Variants in SYN3 observed in about 807,000 individuals in gnomAD.
The protein encoded by SYN3 is synapsin-3.
In SYN3, 35 loss-of-function variants were observed where a neutral mutation model predicts 65.8. The ratio of observed to expected loss-of-function variants is 0.53; its 90% confidence interval spans 0.41 to 0.70. SYN3 has a LOEUF of 0.70. Ranked by LOEUF, SYN3 falls within the 30% of genes least tolerant of loss-of-function variation. The pLI is 0.00. For missense variants in SYN3, 680 were observed against 749.0 expected, an observed-to-expected ratio of 0.91 and a Z score of 1.08; for synonymous variants, 270 against 292.9, an observed-to-expected ratio of 0.92 and a Z score of 0.80.
chr22:32,612,556 T>C (rs1265009415), intron 6 of SYN3, among the ~76,000 whole-genome samples: 7 of 152,182 alleles, frequency 4.6e-5, no homozygotes, highest in Non-Finnish European at 8.8e-5. Context: ...AGAGAAATAC[T>C]GGAGGCCACG....
intron 7 of SYN3, among the ~76,000 whole-genome samples, chr22:32,587,487 T>C (rs986382457): frequency 2.0e-5 from 3 of 152,108 alleles, no homozygotes; most frequent in Non-Finnish European, 4.4e-5. Flanking sequence ...AGAGAGACTC[T>C]CCTCTCTGGC....
intron 6 of SYN3, among the ~76,000 whole-genome samples, chr22:32,601,670 C>A (rs1400770474): frequency 6.6e-6 from 1 of 152,156 alleles, no homozygotes; most frequent in Non-Finnish European, 1.5e-5. Flanking sequence ...GCTGGGGACA[C>A]AGAAGAGGTA....
chr22:32,571,635 A>T (rs1433254436), intron 7 of SYN3, among the ~76,000 whole-genome samples: 2 of 152,230 alleles, frequency 1.3e-5, no homozygotes, highest in African/African-American at 4.8e-5. Context: ...TAATTAAAAA[A>T]TAAAACCAAA....
intron 6 of SYN3, among the ~76,000 whole-genome samples, chr22:32,758,408 C>T (rs1400499255): frequency 6.6e-6 from 1 of 151,628 alleles, no homozygotes; most frequent in Non-Finnish European, 1.5e-5. Context: ...ATTTGAGTCA[C>T]TGGGCTGGGG....
At chr22:32,527,760 TAA>T (rs1477988181) in intron 12 of SYN3, 156 bp downstream of exon 12, 2 of 613,208 alleles carry the variant, frequency 3.3e-6, no homozygotes, top group East Asian at 2.9e-5. Context: ...CTTGACTTTT[TAA>T]AGAGTTTGAC....
Position 32,989,882 on chromosome 22 carries a change from CT to C in SYN3, c.312-9181del, listed in dbSNP as rs373550554. Among the ~76,000 whole-genome samples, 727 of 149,944 alleles carry C rather than the reference CT, an allele frequency of 4.8e-3. 2 individuals are homozygous for C. The highest frequency in any genetic ancestry group is 0.01 in the Middle Eastern group (3 of 286). ...CATCAAACACCCACTCCCTCTACCC[CT>C]CTCCTCTCTAAAGACACAGCACTAT... On this transcript the variant is annotated intron_variant, in intron 2 of 13. Coordinates refer to ENST00000358763, the MANE Select transcript of SYN3 (RefSeq NM_003490.4).
intron 6 of SYN3, among the ~76,000 whole-genome samples, chr22:32,626,930 C>A (rs1299223632): frequency 6.6e-6 from 1 of 152,196 alleles, no homozygotes; most frequent in Non-Finnish European, 1.5e-5. Context: ...CCCTGGACAC[C>A]TGGTTGGTTG....
At chr22:32,749,122 G>A (rs1192888784) in intron 6 of SYN3, among the ~76,000 whole-genome samples, 1 of 152,050 alleles carries the variant, frequency 6.6e-6, no homozygotes, top group Non-Finnish European at 1.5e-5. Context: ...CCAATATTAA[G>A]GTGTTGGCAA....
intron 7 of SYN3, among the ~76,000 whole-genome samples, chr22:32,586,108 G>A (rs896679756): frequency 6.7e-6 from 1 of 148,706 alleles, no homozygotes; most frequent in Non-Finnish European, 1.5e-5. Flanking sequence ...ATGTATACAT[G>A]TATATGTATA....
At chr22:32,700,037 G>A (rs1424065844) in intron 6 of SYN3, among the ~76,000 whole-genome samples, 1 of 152,138 alleles carries the variant, frequency 6.6e-6, no homozygotes, top group Non-Finnish European at 1.5e-5. Context: ...CGGAACTCAG[G>A]TTCTCTGCTC....
intron 4 of SYN3, among the ~76,000 whole-genome samples, chr22:32,928,285 G>A (rs755939005): frequency 6.6e-6 from 1 of 151,802 alleles, no homozygotes; most frequent in Non-Finnish European, 1.5e-5. Flanking sequence ...AACCGAGATC[G>A]CACCACTGCA....
chr22:32,832,767 C>T (rs912916581), intron 6 of SYN3, among the ~76,000 whole-genome samples: 4 of 151,926 alleles, frequency 2.6e-5, no homozygotes, highest in African/African-American at 4.8e-5. Context: ...CTCACTCTGT[C>T]GTTCAGCTGG....
At chr22:32,798,517 T>C (rs1249665932) in intron 6 of SYN3, among the ~76,000 whole-genome samples, 2 of 152,084 alleles carry the variant, frequency 1.3e-5, no homozygotes, top group African/African-American at 4.8e-5. Flanking sequence ...AGGGTGGATA[T>C]GAACTCACCT....
At chr22:32,514,733 T>G (rs2057742402) in intron 13 of SYN3, 1 of 152,314 alleles carries the variant, frequency 6.6e-6, no homozygotes, top group Non-Finnish European at 1.5e-5. Context: ...TGCACCACAC[T>G]GTGCTGGGCG....
chr22:32,531,101 C>A (rs377175980), intron 10 of SYN3, among the ~76,000 whole-genome samples: 3 of 141,530 alleles, frequency 2.1e-5, no homozygotes, highest in African/African-American at 5.3e-5. Flanking sequence ...GGAAAACAGG[C>A]CTTTCCTCTT....
At chr22:32,615,422 A>G (rs1033239823) in intron 6 of SYN3, among the ~76,000 whole-genome samples, 3 of 141,558 alleles carry the variant, frequency 2.1e-5, no homozygotes, top group Non-Finnish European at 4.6e-5. Flanking sequence ...CGTCAGAGCA[A>G]GACTTCATCT....
rs538625685 is a variant in SYN3, at chr22:32,897,195, G to A, written c.462-28070C>T. Among the ~76,000 whole-genome samples the A allele has an allele frequency of 9.2e-5, 14 of 152,242 alleles. No homozygotes were observed. In the East Asian group the frequency reaches 1.2e-3, roughly 13 times the overall value. ...TAGAATGTGAGTACCTGGACCCGGC[G>A]CCCATGGGTGTAAGATAAGAGTGCC... On this transcript the variant is annotated intron_variant, in intron 4 of 13. Transcript: ENST00000358763.
Position 32,510,254 on chromosome 22 carries a change from A to G in SYN3, c.*3438T>C, listed in dbSNP as rs1022511001. ...GTTTGCTGGTCTCACATCAAAGTGC[A>G]TTCAAAGTGGGGAGATTGACAAAGA... On this transcript the variant is annotated 3_prime_UTR_variant, in exon 14 of 14. Transcript: ENST00000358763. Among the ~76,000 whole-genome samples the G allele has an allele frequency of 1.3e-5, 2 of 152,206 alleles. No individual in the cohort carries two copies.
chr22:32,569,405 ATC>A (rs2058719341), intron 7 of SYN3, among the ~76,000 whole-genome samples: 6 of 68,722 alleles, frequency 8.7e-5, no homozygotes, highest in African/African-American at 4.6e-4. Flanking sequence ...TCCAAAATCT[ATC>A]TATCTATCTA....
Sources: gnomAD v4.1 joint callset for allele counts (sites outside exome capture counted in the v4.1 genomes callset) on GRCh38, gnomAD v4.1.1 for gene constraint, MANE v1.5 for transcripts, NCBI Gene and HGNC (gene_info 2026-07-23, HGNC 2026-07-21) for gene names.